CD3E: variants seen among roughly 807,000 people sequenced by gnomAD.
The protein encoded by CD3E is CD3 epsilon subunit of T-cell receptor complex.
In CD3E, 16 loss-of-function variants were observed where a neutral mutation model predicts 34.7. The observed-to-expected ratio is 0.46, with a 90% CI of 0.31 to 0.70. The LOEUF is 0.70. Ranked by LOEUF, CD3E falls within the 30% of genes least tolerant of loss-of-function variation. The pLI is 0.05. For missense variants in CD3E, 223 were observed against 253.9 expected, an observed-to-expected ratio of 0.88 and a Z score of 0.83; for synonymous variants, 70 against 90.8, an observed-to-expected ratio of 0.77 and a Z score of 1.30.
chr11:118,315,714 C>A lies in CD3E; in HGVS notation c.*172C>A. 4 of 669,692 alleles carry A rather than the reference C, an allele frequency of 6.0e-6. No individual in the cohort carries two copies. The highest frequency in any genetic ancestry group is 2.2e-5 in the Admixed American group (1 of 46,434). The allele number at this position is 669,692 out of a possible 1,614,324, so 41.5% of individuals were successfully genotyped here. On this transcript the variant is annotated 3_prime_UTR_variant, in exon 9 of 9. Transcript: ENST00000361763. ...CGCTCCCTCCTCCCTGCCTTCTCTG[C>A]TGGTACCCAGTCCTAAAATATTGCT...
At chr11:118,310,421 C>T (rs891887961) in intron 4 of CD3E, among the ~76,000 whole-genome samples, 2 of 152,224 alleles carry the variant, frequency 1.3e-5, no homozygotes, top group Admixed American at 1.3e-4. Context: ...TAATGGCCTC[C>T]AGTCCCATCC....
At chr11:118,308,316 G>A in intron 3 of CD3E, 111 bp from the exon 4 acceptor site, 2 of 776,706 alleles carry the variant, frequency 2.6e-6, no homozygotes, top group Middle Eastern at 4.5e-4. Context: ...GGAATTGGAA[G>A]ATCCATTGTT....
chr11:118,313,868 CA>C lies in CD3E; in HGVS notation c.517del (p.Arg173GlyfsTer30). ...ACGAGGAGCGGGTGCTGGCGGCAGG[CA>C]AAGGGGTAAGGCTGTGGAGTCCAGT... is the stretch of plus-strand genomic sequence containing the variant. ...VTRGAGAGGRQRGQNKERPPP... is the reference protein window; with the variant it reads ...VTRGAGAGGRXRGQNKERPPP... On this transcript the variant is annotated frameshift_variant, in exon 7 of 9. Transcript: ENST00000361763. LOFTEE classifies it high-confidence loss of function. 1 of 1,612,992 alleles carries C rather than the reference CA, an allele frequency of 6.2e-7. No homozygotes were observed. Among genetic ancestry groups the C allele is most frequent in the Non-Finnish European group, 8.5e-7 (1 of 1,179,942 alleles).
rs547003904 is a variant in CD3E at position 118,314,589 on chromosome 11, C to T, written c.567+95C>T. ...GATGGCCCATCTTGTCTGCCAGATGCCTCAAAGCCCCTCACTCAGGGCTTC... is the reference window on the plus strand; with the variant it reads ...GATGGCCCATCTTGTCTGCCAGATGTCTCAAAGCCCCTCACTCAGGGCTTC... On this transcript the variant is annotated intron_variant, in intron 8 of 8. Coordinates refer to ENST00000361763, the MANE Select transcript of CD3E (RefSeq NM_000733.4). The T allele has an allele frequency of 1.1e-4, 117 of 1,077,122 alleles. 1 individual carries two copies. The highest frequency in any genetic ancestry group is 5.3e-4 in the Middle Eastern group (2 of 3,802). The allele number at this position is 1,077,122 out of a possible 1,614,324, so 66.7% of individuals were successfully genotyped here. A position where few individuals can be genotyped will look rare whatever the true frequency, so the allele number is the denominator to read the frequency against.
In CD3E at chr11:118,312,005, C is replaced by T. The variant is rs879495204; in HGVS notation, c.86-148C>T. On this transcript the variant is annotated intron_variant, in intron 4 of 8. Transcript: ENST00000361763. ...AATCTCATAGGCTAAGCATGAACCTCACCTCCAAGACTCGGGGTTCCTAAA... is the reference window on the plus strand; with the variant it reads ...AATCTCATAGGCTAAGCATGAACCTTACCTCCAAGACTCGGGGTTCCTAAA... The T allele has an allele frequency of 2.3e-5, 17 of 734,520 alleles. No individual in the cohort carries two copies. The Admixed American group carries it at 3.1e-4, about 13-fold the overall frequency. The allele number at this position is 734,520 out of a possible 1,614,324, so 45.5% of individuals were successfully genotyped here. A position where few individuals can be genotyped will look rare whatever the true frequency, so the allele number is the denominator to read the frequency against.
At chr11:118,310,335 C>A (rs1948129062) in intron 4 of CD3E, among the ~76,000 whole-genome samples, 1 of 152,174 alleles carries the variant, frequency 6.6e-6, no homozygotes, top group South Asian at 2.1e-4. Context: ...TTCATGTGTT[C>A]TCATCATTTA....
chr11:118,309,872 C>A (rs1235403034), intron 4 of CD3E, among the ~76,000 whole-genome samples: 3 of 152,328 alleles, frequency 2.0e-5, no homozygotes, highest in Middle Eastern at 6.8e-3. Flanking sequence ...AATCCCAACA[C>A]TTTGGGAGGC....
At chr11:118,313,050 C>G (rs1293287736) in intron 6 of CD3E, 184 bp downstream of exon 6, 2 of 722,416 alleles carry the variant, frequency 2.8e-6, no homozygotes, top group African/African-American at 3.5e-5. Context: ...ATAGATTAAA[C>G]ACCAATATGA....
intron 4 of CD3E, among the ~76,000 whole-genome samples, 197 bp from the exon 5 acceptor site, chr11:118,311,956 C>T (rs1325499239): frequency 5.3e-5 from 8 of 152,148 alleles, no homozygotes; most frequent in Non-Finnish European, 1.0e-4. Context: ...CTATGAGCTA[C>T]TTAATAAATA....
At chr11:118,309,875 T>C (rs1183840672) in intron 4 of CD3E, among the ~76,000 whole-genome samples, 1 of 152,188 alleles carries the variant, frequency 6.6e-6, no homozygotes, top group African/African-American at 2.4e-5. Context: ...CCCAACACTT[T>C]GGGAGGCCAA....
Position 118,313,877 on chromosome 11 carries a change from A to AAGGCTGTGGAGTCCAGTCAG in CD3E, c.520+7_520+26dup. The AAGGCTGTGGAGTCCAGTCAG allele has an allele frequency of 1.2e-6, 2 of 1,612,656 alleles. No homozygotes were observed. ...GGGTGCTGGCGGCAGGCAAAGGGGT[A>AAGGCTGTGGAGTCCAGTCAG]AGGCTGTGGAGTCCAGTCAGAGGAG... On this transcript the variant is annotated splice_donor_region_variant and intron_variant, in intron 7 of 8. Coordinates refer to ENST00000361763, the MANE Select transcript of CD3E (RefSeq NM_000733.4).
At chr11:118,307,407 C>A in intron 3 of CD3E, 99 bp downstream of exon 3, 1 of 1,076,306 alleles carries the variant, frequency 9.3e-7, no homozygotes, top group Non-Finnish European at 1.4e-6. Context: ...AGAACTTCCA[C>A]AGAGGTCAGG....
At chr11:118,306,482 A>AATAG (rs1305004843) in intron 2 of CD3E, among the ~76,000 whole-genome samples, 59 of 123,212 alleles carry the variant, frequency 4.8e-4, no homozygotes, top group African/African-American at 1.6e-3. Flanking sequence ...AGTGTCTCAA[A>AATAG]ATAGATAAAT....
rs758682387 is a variant in CD3E at position 118,315,531 on chromosome 11, A to G, written c.613A>G (p.Arg205Gly). 6.2e-7 allele frequency: 1 copy of G among 1,613,038 alleles called. No homozygotes were observed. The highest frequency in any genetic ancestry group is 8.5e-7 in the Non-Finnish European group (1 of 1,179,672). Residue 205 changes from arginine to glycine, a missense_variant, in exon 9 of 9, where the codon AGA (arginine) becomes GGA (glycine). Arg to Gly is a moderately radical substitution (Grantham distance 125). Coordinates refer to ENST00000361763, the MANE Select transcript of CD3E (RefSeq NM_000733.4). ...GGACCTGTATTCTGGCCTGAATCAG[A>G]GACGCATCTGACCCTCTGGAGAACA... is the stretch of plus-strand genomic sequence containing the variant. The part of the protein sequence containing the change: ...QRDLYSGLNQ[R>G]RI
chr11:118,309,666 T>G (rs978255622), intron 4 of CD3E, among the ~76,000 whole-genome samples: 1 of 152,232 alleles, frequency 6.6e-6, no homozygotes, highest in African/African-American at 2.4e-5. Context: ...GCATTAAAGT[T>G]TACTGAGCAT....
In CD3E at chr11:118,312,740, G is replaced by C; in HGVS notation, c.226G>C (p.Gly76Arg). Residue 76 changes from glycine to arginine, a missense_variant, in exon 6 of 9, where the codon GGC (glycine) becomes CGC (arginine). By Grantham distance (125) the Gly-to-Arg change is moderately radical. Transcript: ENST00000361763. ...CGGTGATGAGGATGATAAAAACATA[G>C]GCAGTGATGAGGATCACCTGTCACT... ...IGGDEDDKNIGSDEDHLSLKE... is the reference protein window; with the variant it reads ...IGGDEDDKNIRSDEDHLSLKE... The C allele has an allele frequency of 1.2e-6, 2 of 1,614,008 alleles. No homozygotes were observed. The highest frequency in any genetic ancestry group is 1.7e-6 in the Non-Finnish European group (2 of 1,180,014).
At chr11:118,307,345 C>T (rs1948113085) in intron 3 of CD3E, 37 bp downstream of exon 3, 2 of 1,571,726 alleles carry the variant, frequency 1.3e-6, no homozygotes, top group Non-Finnish European at 1.7e-6. Flanking sequence ...TTTATGAAAT[C>T]ACCCCATCAT....
chr11:118,314,501 T>C lies in CD3E; in HGVS notation c.567+7T>C, dbSNP rs1948154596. ...TCCCAACCCAGACTATGAGGTAACG[T>C]GGGATAGAAATGGGCCAGGACGCTG... is the stretch of plus-strand genomic sequence containing the variant. On this transcript the variant is annotated splice_region_variant and intron_variant, in intron 8 of 8. Coordinates refer to ENST00000361763, the MANE Select transcript of CD3E (RefSeq NM_000733.4). 6.2e-7 allele frequency: 1 copy of C among 1,613,442 alleles called. No homozygotes were observed. Among genetic ancestry groups the C allele is most frequent in the African/African-American group, 1.3e-5 (1 of 74,836 alleles).
At position 118,315,713 on chromosome 11, in the gene CD3E, G is replaced by A; in HGVS notation, c.*171G>A. On this transcript the variant is annotated 3_prime_UTR_variant, in exon 9 of 9. Transcript: ENST00000361763. Reference sequence around the variant, plus strand: ...CCGCTCCCTCCTCCCTGCCTTCTCTGCTGGTACCCAGTCCTAAAATATTGC... The same window carrying A: ...CCGCTCCCTCCTCCCTGCCTTCTCTACTGGTACCCAGTCCTAAAATATTGC... 1 of 670,598 alleles carries A rather than the reference G, an allele frequency of 1.5e-6. No homozygotes were observed. The highest frequency in any genetic ancestry group is 2.2e-5 in the Admixed American group (1 of 46,498). 41.5% of individuals were successfully genotyped at this position (670,598 alleles called of 1,614,324 possible).
Sources: gnomAD v4.1 joint callset for allele counts (sites outside exome capture counted in the v4.1 genomes callset) on GRCh38, gnomAD v4.1.1 for gene constraint, MANE v1.5 for transcripts, NCBI Gene and HGNC (gene_info 2026-07-23, HGNC 2026-07-21) for gene names.